PALS2: variants seen among roughly 807,000 people sequenced by gnomAD.
PALS2 encodes protein PALS2.
Under a neutral mutation model 61.6 loss-of-function variants are expected in PALS2, and 27 were observed. The observed-to-expected ratio is 0.44, with a 90% CI of 0.32 to 0.60. The LOEUF is 0.60. Among genes scored for constraint, PALS2 ranks in the 20% least tolerant of loss-of-function variants. The pLI, the probability that PALS2 is intolerant of heterozygous loss-of-function variation, is 0.05. For synonymous variants in PALS2, 236 were observed against 218.6 expected (o/e 1.08, Z -0.70); for missense variants, 554 against 639.4 (o/e 0.87, Z 1.44).
At chr7:24,587,165 A>T (rs957713478) in intron 1 of PALS2, among the ~76,000 whole-genome samples, 1 of 152,064 alleles carries the variant, frequency 6.6e-6, no homozygotes, top group Non-Finnish European at 1.5e-5. Context: ...GAGACTACCT[A>T]CTTCGCTATT....
At chr7:24,631,001 C>T (rs1784976312) in intron 2 of PALS2, among the ~76,000 whole-genome samples, 1 of 152,216 alleles carries the variant, frequency 6.6e-6, no homozygotes, top group East Asian at 1.9e-4. Flanking sequence ...CACAACATCT[C>T]TTCTACTCAT....
chr7:24,584,418 A>G (rs1462964253), intron 1 of PALS2, among the ~76,000 whole-genome samples: 21 of 150,034 alleles, frequency 1.4e-4, no homozygotes, highest in Admixed American at 4.0e-4. Flanking sequence ...GCCAGTGATG[A>G]TGAGCATTTT....
At chr7:24,603,081 A>G (rs1437116253) in intron 1 of PALS2, among the ~76,000 whole-genome samples, 1 of 152,198 alleles carries the variant, frequency 6.6e-6, no homozygotes. Context: ...GGAACAGACT[A>G]ATACAGTAAG....
At position 24,649,639 on chromosome 7, in the gene PALS2, G is replaced by C; in HGVS notation, c.298G>C (p.Ala100Pro). Residue 100 changes from alanine (A) to proline (P), a missense_variant, in exon 4 of 12, where the codon GCA (alanine) becomes CCA (proline). By Grantham distance (27) the Ala-to-Pro change is conservative. Transcript: ENST00000222644. ...QSLLEAHDIV[A>P]SKCYDSPPSS... ...ACTGTTGGAGGCCCATGATATTGTG[G>C]CATCAAAGTGTTATGATTCACCTCC... The C allele has an allele frequency of 6.2e-7, 1 of 1,609,322 alleles. No individual in the cohort carries two copies. The highest frequency in any genetic ancestry group is 2.2e-5 in the East Asian group (1 of 44,540).
intron 9 of PALS2, among the ~76,000 whole-genome samples, chr7:24,675,474 G>C (rs539238105): frequency 0.014 from 2,155 of 149,634 alleles, 59 homozygotes; most frequent in African/African-American, 0.051. Flanking sequence ...ATGTGCCATG[G>C]TGGTGTGCTG....
intron 11 of PALS2, among the ~76,000 whole-genome samples, chr7:24,682,309 C>T (rs545127040): frequency 2.6e-5 from 4 of 152,160 alleles, no homozygotes; most frequent in African/African-American, 9.7e-5. Flanking sequence ...TTCTCAGCTT[C>T]AGGTCGTTGT....
At position 24,687,553 on chromosome 7, in the gene PALS2, A is replaced by G. The variant is rs1313974367; in HGVS notation, c.1562A>G (p.Gln521Arg). ...CTAGACAAAGCCTTTGAAAAACTGC[A>G]AACTGCCATAGAGAAACTGAGAATG... is the stretch of plus-strand genomic sequence containing the variant. Reference protein sequence around the residue: ...DNLDKAFEKLQTAIEKLRMEP... With the variant: ...DNLDKAFEKLRTAIEKLRMEP... Residue 521 changes from glutamine (Q) to arginine (R), a missense_variant, in exon 12 of 12, where the codon CAA (glutamine) becomes CGA (arginine). Transcript: ENST00000222644. The surrounding 1 kb of genome is among the most constrained non-coding windows in gnomAD (Gnocchi z 4.5). 6.2e-7 allele frequency: 1 copy of G among 1,613,244 alleles called. No homozygotes were observed. The highest frequency in any genetic ancestry group is 1.7e-5 in the Admixed American group (1 of 59,810).
intron 2 of PALS2, among the ~76,000 whole-genome samples, chr7:24,626,270 G>A (rs568288533): frequency 2.6e-4 from 40 of 151,992 alleles, no homozygotes; most frequent in Middle Eastern, 3.4e-3. Flanking sequence ...TTAAAGATAG[G>A]TTATTAGAAA....
chr7:24,611,727 AG>A (rs1393521432), intron 1 of PALS2, among the ~76,000 whole-genome samples: 1 of 151,996 alleles, frequency 6.6e-6, no homozygotes, highest in African/African-American at 2.4e-5. Context: ...TTAAAGAATG[AG>A]TGTGAATTAG....
chr7:24,593,381 C>G (rs914385676), intron 1 of PALS2, among the ~76,000 whole-genome samples: 6 of 152,092 alleles, frequency 3.9e-5, no homozygotes, highest in African/African-American at 1.4e-4. Flanking sequence ...TCCTGTGAAT[C>G]AACATTTTGA....
At chr7:24,583,268 A>T (rs1011466448) in intron 1 of PALS2, among the ~76,000 whole-genome samples, 12 of 146,970 alleles carry the variant, frequency 8.2e-5, no homozygotes, top group African/African-American at 2.9e-4. Context: ...GGAGGTCAGT[A>T]AAAAAAAATG....
chr7:24,647,151 ATT>A lies in PALS2; in HGVS notation c.271-2447_271-2446del, dbSNP rs761802777. On this transcript the variant is annotated intron_variant, in intron 3 of 11. Transcript: ENST00000222644. Reference sequence around the variant, plus strand: ...TTGTTGTTTTAATTTAATTTAATTAATTTTTTTTTTTTTTTGAGATGGAGTCA... The same window carrying A: ...TTGTTGTTTTAATTTAATTTAATTAATTTTTTTTTTTTTGAGATGGAGTCA... 2.6e-3 allele frequency among the ~76,000 whole-genome samples: 363 copies of A among 139,630 alleles called. 2 individuals are homozygous for A. The highest frequency in any genetic ancestry group is 9.1e-3 in the African/African-American group (346 of 38,126). 91.6% of individuals were successfully genotyped at this position (139,630 alleles called of 152,430 possible).
intron 9 of PALS2, chr7:24,674,634 T>C (rs1482115328): frequency 1.3e-5 from 2 of 152,214 alleles, no homozygotes; most frequent in Admixed American, 6.5e-5. Context: ...AAGTATTTTC[T>C]TTCACTTGTG....
chr7:24,627,864 T>C (rs1156418123), intron 2 of PALS2, among the ~76,000 whole-genome samples: 2 of 151,896 alleles, frequency 1.3e-5, no homozygotes, highest in East Asian at 1.9e-4. Flanking sequence ...AGTTCTGAAA[T>C]AGACAGTAAT....
At chr7:24,620,337 G>C (rs1328654651) in intron 1 of PALS2, 4 of 152,062 alleles carry the variant, frequency 2.6e-5, no homozygotes, top group Non-Finnish European at 5.9e-5. Flanking sequence ...GGATAATATA[G>C]TTTAAAAGAA....
At chr7:24,632,920 A>G (rs934860760) in intron 2 of PALS2, among the ~76,000 whole-genome samples, 8 of 152,052 alleles carry the variant, frequency 5.3e-5, no homozygotes, top group Admixed American at 3.3e-4. Flanking sequence ...ACTTTTTAGC[A>G]GTTCTCCTTG....
intron 2 of PALS2, among the ~76,000 whole-genome samples, chr7:24,629,263 G>T (rs1784884416): frequency 1.3e-5 from 2 of 152,140 alleles, no homozygotes; most frequent in African/African-American, 4.8e-5. Context: ...TTTAATAAAT[G>T]ATGTTGGGAA....
intron 1 of PALS2, among the ~76,000 whole-genome samples, chr7:24,607,847 A>G (rs913524778): frequency 4.6e-5 from 7 of 152,074 alleles, no homozygotes; most frequent in African/African-American, 1.4e-4. Context: ...TCAATATGGA[A>G]AAATCACTAA....
At chr7:24,631,120 A>G (rs2721785) in intron 2 of PALS2, among the ~76,000 whole-genome samples, 24,154 of 152,200 alleles carry the variant, frequency 0.16, 1,955 homozygotes, top group Non-Finnish European at 0.18. Context: ...GTAAATTGCA[A>G]GCCTTCCAGA....
Sources: allele counts gnomAD v4.1 joint callset (sites outside exome capture counted in the v4.1 genomes callset), GRCh38; gene constraint gnomAD v4.1.1; non-coding constraint Gnocchi (gnomAD v3.1); transcripts MANE v1.5; gene names NCBI Gene and HGNC (gene_info 2026-07-23, HGNC 2026-07-21).